SPMIP7: variants seen among roughly 807,000 people sequenced by gnomAD.
The protein encoded by SPMIP7 is sperm microtubule inner protein 7, also known as protein SPMIP7.
At chr7:50,153,903 C>G in the SPMIP7 span, among the ~76,000 whole-genome samples, 68,893 of 152,050 alleles carry the variant, frequency 0.45, 16,038 homozygotes, top group East Asian at 0.72. Context: ...CCCTGTGTGC[C>G]TGGCCTTTTC....
the SPMIP7 span, among the ~76,000 whole-genome samples, chr7:50,140,736 C>A: frequency 6.6e-6 from 1 of 152,180 alleles, no homozygotes; most frequent in Non-Finnish European, 1.5e-5. Context: ...CCTGGCCCAC[C>A]CCTCTCATTA....
chr7:50,149,666 T>C, the SPMIP7 span, among the ~76,000 whole-genome samples: 1 of 152,232 alleles, frequency 6.6e-6, no homozygotes, highest in African/African-American at 2.4e-5. Context: ...TAATTTCCCT[T>C]CACTTTGTTA....
the SPMIP7 span, among the ~76,000 whole-genome samples, chr7:50,157,789 C>A: frequency 6.6e-6 from 1 of 152,126 alleles, no homozygotes; most frequent in Non-Finnish European, 1.5e-5. Flanking sequence ...TGGCCCAACT[C>A]CTGTGACACT....
chr7:50,129,688 T>A, the SPMIP7 span: 2 of 1,404,160 alleles, frequency 1.4e-6, no homozygotes, highest in South Asian at 2.6e-5. Context: ...ATATTTGGTC[T>A]CTTTTAACTT....
chr7:50,097,723 A>G, the SPMIP7 span, among the ~76,000 whole-genome samples: 1 of 151,088 alleles, frequency 6.6e-6, no homozygotes, highest in Admixed American at 6.6e-5. Flanking sequence ...AAACTTCGTA[A>G]GATAATAAGT....
chr7:50,135,896 T>C, the SPMIP7 span, among the ~76,000 whole-genome samples: 1 of 152,214 alleles, frequency 6.6e-6, no homozygotes, highest in East Asian at 1.9e-4. Flanking sequence ...CAAATGGAAA[T>C]TGGAAGTCTG....
the SPMIP7 span, among the ~76,000 whole-genome samples, chr7:50,121,800 CT>C: frequency 1.0e-4 from 15 of 150,722 alleles, no homozygotes; most frequent in Admixed American, 4.0e-4. Context: ...ATTACAGGCA[CT>C]TGCCATCATG....
the SPMIP7 span, among the ~76,000 whole-genome samples, chr7:50,125,402 A>G: frequency 4.1e-5 from 6 of 145,296 alleles, no homozygotes; most frequent in Admixed American, 2.1e-4. Context: ...ATATATACAT[A>G]TATATATAAA....
chr7:50,100,920 T>C, the SPMIP7 span, among the ~76,000 whole-genome samples: 3 of 152,204 alleles, frequency 2.0e-5, no homozygotes, highest in Non-Finnish European at 4.4e-5. Context: ...ATCCTTTGTT[T>C]TGTGGCATCA....
At chr7:50,128,168 G>A in the SPMIP7 span, among the ~76,000 whole-genome samples, 127,048 of 151,858 alleles carry the variant, frequency 0.84, 53,181 homozygotes, top group East Asian at 0.92. Flanking sequence ...TTGTACCAAC[G>A]TGGATGGAAC....
the SPMIP7 span, among the ~76,000 whole-genome samples, chr7:50,157,907 A>AC: frequency 6.6e-6 from 1 of 151,900 alleles, no homozygotes; most frequent in Non-Finnish European, 1.5e-5. Flanking sequence ...TTTTAAAAAA[A>AC]ATTATTTTAA....
At chr7:50,129,808 C>G in the SPMIP7 span, 2 of 1,508,852 alleles carry the variant, frequency 1.3e-6, no homozygotes, top group Non-Finnish European at 1.8e-6. Flanking sequence ...GCAGTTTTCC[C>G]AGTGGAATTT....
the SPMIP7 span, among the ~76,000 whole-genome samples, chr7:50,114,147 A>G: frequency 6.6e-6 from 1 of 152,192 alleles, no homozygotes; most frequent in Non-Finnish European, 1.5e-5. Context: ...GTAGACCTGA[A>G]GGAATTTCTT....
chr7:50,115,626 A>G, the SPMIP7 span, among the ~76,000 whole-genome samples: 1 of 152,208 alleles, frequency 6.6e-6, no homozygotes, highest in East Asian at 1.9e-4. Flanking sequence ...AAAAAATAAA[A>G]ACATATGTGC....
chr7:50,098,929 C>A, the SPMIP7 span, among the ~76,000 whole-genome samples: 13 of 152,272 alleles, frequency 8.5e-5, no homozygotes, highest in East Asian at 2.1e-3. Flanking sequence ...CACCATCCAT[C>A]TCTGGGATTC....
the SPMIP7 span, among the ~76,000 whole-genome samples, chr7:50,120,026 C>T: frequency 6.6e-6 from 1 of 152,166 alleles, no homozygotes; most frequent in Non-Finnish European, 1.5e-5. Flanking sequence ...TTTTCCAGCT[C>T]CTGGGGGCCT....
chr7:50,135,797 A>C, the SPMIP7 span, among the ~76,000 whole-genome samples: 6 of 152,226 alleles, frequency 3.9e-5, no homozygotes, highest in Non-Finnish European at 8.8e-5. Context: ...TCAGAACAGT[A>C]GCTAAGGATG....
At chr7:50,125,109 TATATATACAC>T in the SPMIP7 span, among the ~76,000 whole-genome samples, 203 of 59,912 alleles carry the variant, frequency 3.4e-3, 31 homozygotes, top group Non-Finnish European at 4.8e-3. Context: ...TATATATATA[TATATATACAC>T]ACACACACAC....
At chr7:50,118,029 C>G in the SPMIP7 span, among the ~76,000 whole-genome samples, 2 of 152,300 alleles carry the variant, frequency 1.3e-5, no homozygotes, top group East Asian at 3.9e-4. Flanking sequence ...TGGCAGATTT[C>G]TATGCTAAAT....
Sources: allele counts gnomAD v4.1 joint callset (sites outside exome capture counted in the v4.1 genomes callset), GRCh38; gene constraint gnomAD v4.1.1; transcripts MANE v1.5; gene names NCBI Gene and HGNC (gene_info 2026-07-23, HGNC 2026-07-21).